CADM2: variants seen among roughly 807,000 people sequenced by gnomAD.
CADM2 encodes cell adhesion molecule 2, also known as immunoglobulin superfamily member 4D.
A neutral mutation model predicts 49.8 loss-of-function variants in CADM2; 12 were observed. The ratio of observed to expected loss-of-function variants is 0.24; its 90% CI spans 0.15 to 0.39. The LOEUF (loss-of-function observed/expected upper bound fraction) is 0.39, where lower values mean the gene tolerates loss of function less well. Ranked by LOEUF, CADM2 falls within the 10% of genes least tolerant of loss-of-function variation. The probability of loss-of-function intolerance (pLI) is 1.00; values close to 1 mark genes in which losing one functional copy is unlikely to be tolerated. For missense variants in CADM2, 378 were observed against 492.3 expected, an observed-to-expected ratio of 0.77 and a Z score of 2.20; for synonymous variants, 214 against 175.4, an observed-to-expected ratio of 1.22 and a Z score of -1.74.
At chr3:85,118,026 T>C (rs984730651) in intron 1 of CADM2, among the ~76,000 whole-genome samples, 4 of 152,120 alleles carry the variant, frequency 2.6e-5, no homozygotes, top group African/African-American at 9.6e-5. Flanking sequence ...ACTGCTAGTT[T>C]CTTCTGTGAC....
intron 1 of CADM2, among the ~76,000 whole-genome samples, chr3:85,647,655 A>G (rs1042398042): frequency 6.6e-6 from 1 of 151,852 alleles, no homozygotes; most frequent in East Asian, 1.9e-4. Context: ...TATAATCTGT[A>G]TTAAATCCCC....
chr3:85,390,003 C>A (rs2034441207), intron 1 of CADM2, among the ~76,000 whole-genome samples: 1 of 151,798 alleles, frequency 6.6e-6, no homozygotes, highest in South Asian at 2.1e-4. Flanking sequence ...TTTCATGAAG[C>A]CACAATCGGC....
At chr3:85,638,725 C>T (rs1374978120) in intron 1 of CADM2, among the ~76,000 whole-genome samples, 3 of 152,118 alleles carry the variant, frequency 2.0e-5, no homozygotes, top group South Asian at 2.1e-4. Flanking sequence ...TATTTCCCCT[C>T]CCTGAAGGTT....
At chr3:85,830,879 G>A (rs1369350162) in intron 3 of CADM2, among the ~76,000 whole-genome samples, 2 of 150,758 alleles carry the variant, frequency 1.3e-5, no homozygotes, top group Non-Finnish European at 3.0e-5. Context: ...ACATGTGCAG[G>A]CTTGTTACAT....
intron 8 of CADM2, among the ~76,000 whole-genome samples, chr3:85,965,265 T>C (rs2108625743): frequency 6.8e-6 from 1 of 148,124 alleles, no homozygotes; most frequent in Non-Finnish European, 1.5e-5. Context: ...TTTATAAATA[T>C]TATAAATATA....
chr3:85,986,243 A>T (rs1728095873), intron 8 of CADM2, among the ~76,000 whole-genome samples: 1 of 152,080 alleles, frequency 6.6e-6, no homozygotes, highest in Non-Finnish European at 1.5e-5. Context: ...ACAAAGAAAT[A>T]AAGAAACATC....
At chr3:85,934,392 A>G (rs1282968331) in intron 6 of CADM2, among the ~76,000 whole-genome samples, 2 of 152,094 alleles carry the variant, frequency 1.3e-5, no homozygotes, top group Non-Finnish European at 2.9e-5. Flanking sequence ...AAAAATTAAT[A>G]AAGTATGTTT....
chr3:85,750,600 T>C lies in CADM2; in HGVS notation c.88+24052T>C, dbSNP rs187439366. Among the ~76,000 whole-genome samples the C allele has an allele frequency of 2.5e-3, 384 of 152,232 alleles. 1 individual carries two copies. The highest frequency in any genetic ancestry group is 3.8e-3 in the Non-Finnish European group (260 of 67,992). On this transcript the variant is annotated intron_variant, in intron 2 of 9. Transcript: ENST00000383699. The stretch of plus-strand genomic sequence containing the variant: ...ATACAAAAATACAACAAAGAAAATA[T>C]TTTATTATTTCCCTTTCTCATGGTA...
chr3:84,963,308 G>A (rs942938289), intron 1 of CADM2, among the ~76,000 whole-genome samples: 5 of 152,158 alleles, frequency 3.3e-5, no homozygotes, highest in Non-Finnish European at 7.3e-5. Flanking sequence ...AGTAGATCCA[G>A]TTCAATTGCT....
intron 1 of CADM2, among the ~76,000 whole-genome samples, chr3:85,377,495 G>C (rs949647432): frequency 6.6e-6 from 1 of 151,972 alleles, no homozygotes; most frequent in African/African-American, 2.4e-5. Flanking sequence ...CCTGCTGATG[G>C]GGTCTCATTA....
intron 8 of CADM2, among the ~76,000 whole-genome samples, chr3:85,963,374 G>C (rs1476551051): frequency 6.6e-6 from 1 of 151,898 alleles, no homozygotes; most frequent in Non-Finnish European, 1.5e-5. Context: ...TGGCCTTTCT[G>C]CCAGAGAGAA....
intron 1 of CADM2, among the ~76,000 whole-genome samples, chr3:85,241,030 G>C (rs1031610185): frequency 6.6e-6 from 1 of 151,306 alleles, no homozygotes; most frequent in Non-Finnish European, 1.5e-5. Context: ...AGATGACATA[G>C]CATGACTTTT....
chr3:86,028,411 A>G (rs1390984585), intron 8 of CADM2, among the ~76,000 whole-genome samples: 1 of 152,170 alleles, frequency 6.6e-6, no homozygotes, highest in Non-Finnish European at 1.5e-5. Flanking sequence ...AACAATGGCT[A>G]ACAGTTGCTA....
intron 2 of CADM2, among the ~76,000 whole-genome samples, chr3:85,752,442 C>T (rs888839893): frequency 6.8e-6 from 1 of 148,098 alleles, no homozygotes; most frequent in East Asian, 2.0e-4. Context: ...TTTCTTCTCT[C>T]CCTTCTCCTT....
chr3:85,030,611 A>T (rs1356928729), intron 1 of CADM2, among the ~76,000 whole-genome samples: 1 of 152,184 alleles, frequency 6.6e-6, no homozygotes, highest in African/African-American at 2.4e-5. Context: ...AAACCTGTCA[A>T]ACAGGATATT....
At chr3:86,061,452 G>A (rs1578093222) in intron 8 of CADM2, among the ~76,000 whole-genome samples, 1 of 152,002 alleles carries the variant, frequency 6.6e-6, no homozygotes, top group Non-Finnish European at 1.5e-5. Flanking sequence ...TTCTGTGGGG[G>A]ACAGCTGGCT....
intron 1 of CADM2, among the ~76,000 whole-genome samples, chr3:85,348,770 A>C (rs1166605604): frequency 6.6e-6 from 1 of 152,172 alleles, no homozygotes; most frequent in East Asian, 1.9e-4. Flanking sequence ...AATTAATACA[A>C]TCTTAACACA....
rs1157970307 is a variant in CADM2, at chr3:86,069,047, T to G, written c.*2264T>G. On this transcript the variant is annotated 3_prime_UTR_variant, in exon 10 of 10. Transcript: ENST00000383699. Reference sequence around the variant, plus strand: ...AATGGAAAGGTTCTTATTACAGAAGTAAGTTGTACAAACTGCATCATCAAT... The same window carrying G: ...AATGGAAAGGTTCTTATTACAGAAGGAAGTTGTACAAACTGCATCATCAAT... 1 of 151,968 alleles carries G rather than the reference T, an allele frequency of 6.6e-6. No homozygotes were observed. The highest frequency in any genetic ancestry group is 2.4e-5 in the African/African-American group (1 of 41,430). 9.4% of individuals were successfully genotyped at this position (151,968 alleles called of 1,614,324 possible).
chr3:85,716,014 T>C (rs1341079821), intron 1 of CADM2, among the ~76,000 whole-genome samples: 2 of 152,220 alleles, frequency 1.3e-5, no homozygotes, highest in East Asian at 3.9e-4. Flanking sequence ...CCTTTGGGTA[T>C]ATACCCAGTA....
Sources: allele counts gnomAD v4.1 joint callset (sites outside exome capture counted in the v4.1 genomes callset), GRCh38; gene constraint gnomAD v4.1.1; transcripts MANE v1.5; gene names NCBI Gene and HGNC (gene_info 2026-07-23, HGNC 2026-07-21).